Variants in SPRY3 observed in about 807,000 individuals in gnomAD.
The protein encoded by SPRY3 is protein sprouty homolog 3.
SPRY3 carries 15 observed loss-of-function variants against 20.2 expected under a neutral mutation model. The observed-to-expected ratio is 0.74, with a 90% CI of 0.50 to 1.14. SPRY3 has a LOEUF of 1.14. SPRY3 is among the 50% of genes most tolerant of loss of function. SPRY3 has a pLI of 0.00. For missense variants in SPRY3, 364 were observed against 363.9 expected (o/e 1.00, Z 0.00); for synonymous variants, 143 against 136.5 (o/e 1.05, Z -0.33).
intron 2 of SPRY3, among the ~76,000 whole-genome samples, chrX:155,758,204 G>A (rs1487021733): frequency 1.3e-5 from 2 of 151,982 alleles, no homozygotes; most frequent in African/African-American, 4.8e-5. Flanking sequence ...ATTCATTTCC[G>A]TATCTCACAT....
intron 2 of SPRY3, among the ~76,000 whole-genome samples, chrX:155,731,552 T>C (rs1172656155): frequency 6.6e-6 from 1 of 152,078 alleles, no homozygotes; most frequent in Non-Finnish European, 1.5e-5. Context: ...ACTATGAAAC[T>C]ACTACAAGAA....
intron 2 of SPRY3, among the ~76,000 whole-genome samples, chrX:155,734,308 T>C (rs2091153828): frequency 6.6e-6 from 1 of 152,024 alleles, no homozygotes; most frequent in Admixed American, 6.6e-5. Context: ...TTTTAGGGAA[T>C]AGGGAGCCCT....
intron 2 of SPRY3, among the ~76,000 whole-genome samples, chrX:155,728,777 G>A (rs1454444648): frequency 8.0e-4 from 122 of 152,092 alleles, no homozygotes; most frequent in Admixed American, 7.5e-3. Flanking sequence ...CAGGTGAGGC[G>A]ACACCCTGCC....
At chrX:155,718,569 C>T (rs1370279596) in intron 2 of SPRY3, among the ~76,000 whole-genome samples, 9 of 151,908 alleles carry the variant, frequency 5.9e-5, no homozygotes, top group Non-Finnish European at 1.5e-5. Flanking sequence ...GGTGTTTGAA[C>T]AATTAACCGG....
chrX:155,782,257 G>A (rs950571894), exon 2 of SPRY3: 2 of 166,894 alleles, frequency 1.2e-5, no homozygotes, highest in African/African-American at 4.8e-5. Flanking sequence ...ATTATTTGAG[G>A]ATCTAGTACT....
At chrX:155,765,884 G>A (rs1035589649) in intron 2 of SPRY3, among the ~76,000 whole-genome samples, 4 of 152,210 alleles carry the variant, frequency 2.6e-5, no homozygotes, top group South Asian at 2.1e-4. Context: ...ATATGCCAGA[G>A]AGGTTAATTG....
At chrX:155,658,635 A>G (rs2067999321) in intron 2 of SPRY3, among the ~76,000 whole-genome samples, 1 of 111,660 alleles carries the variant, frequency 9.0e-6, no homozygotes, top group African/African-American at 3.3e-5. Flanking sequence ...GTAAACAGAG[A>G]TAATTTGACT....
intron 2 of SPRY3, among the ~76,000 whole-genome samples, chrX:155,704,832 C>A (rs2090938581): frequency 6.6e-6 from 1 of 151,372 alleles, no homozygotes; most frequent in Admixed American, 6.6e-5. Flanking sequence ...TGTCATAAGC[C>A]ATACAAGTCA....
At chrX:155,680,168 G>GTA (rs1249938442) in intron 2 of SPRY3, among the ~76,000 whole-genome samples, 1 of 104,751 alleles carries the variant, frequency 9.5e-6, no homozygotes, top group African/African-American at 3.5e-5. Flanking sequence ...GTGTGTGTGT[G>GTA]TGTGTGTGTG....
chrX:155,676,425 T>C (rs1474385813), intron 2 of SPRY3, among the ~76,000 whole-genome samples: 1 of 111,271 alleles, frequency 9.0e-6, no homozygotes, highest in Non-Finnish European at 1.9e-5. Context: ...TAATCTCACT[T>C]CCCTCCCTGT....
chrX:155,738,808 C>T (rs1366579596), intron 2 of SPRY3, among the ~76,000 whole-genome samples: 1 of 152,216 alleles, frequency 6.6e-6, no homozygotes, highest in Non-Finnish European at 1.5e-5. Flanking sequence ...TGATCAGGCA[C>T]ACACAGAGAC....
chrX:155,623,386 A>G (rs1317076262), intron 1 of SPRY3, among the ~76,000 whole-genome samples: 1 of 112,054 alleles, frequency 8.9e-6, no homozygotes, highest in Non-Finnish European at 1.9e-5. Flanking sequence ...AAAATAAGCC[A>G]TATCATATTG....
At chrX:155,692,859 A>G (rs1490032921) in intron 2 of SPRY3, among the ~76,000 whole-genome samples, 2 of 111,691 alleles carry the variant, frequency 1.8e-5, no homozygotes, top group Non-Finnish European at 3.8e-5. Flanking sequence ...TAATGACTTA[A>G]TGATATGTAC....
chrX:155,773,331 T>C (rs1296760981), intron 3 of SPRY3, among the ~76,000 whole-genome samples: 5 of 146,104 alleles, frequency 3.4e-5, no homozygotes, highest in Non-Finnish European at 6.0e-5. Flanking sequence ...TATATATATA[T>C]ATATATATAT....
chrX:155,647,450 C>G (rs919129472), intron 1 of SPRY3, among the ~76,000 whole-genome samples: 1 of 110,465 alleles, frequency 9.1e-6, no homozygotes, highest in African/African-American at 3.3e-5. Context: ...AATGCTATCC[C>G]TCCCCTTGCC....
intron 2 of SPRY3, among the ~76,000 whole-genome samples, chrX:155,752,969 A>G (rs1248878800): frequency 6.6e-6 from 1 of 151,932 alleles, no homozygotes; most frequent in Non-Finnish European, 1.5e-5. Context: ...AAAGTCTGAA[A>G]ACAATCTAAA....
chrX:155,660,871 A>G (rs1204356870), intron 2 of SPRY3, among the ~76,000 whole-genome samples: 1 of 109,244 alleles, frequency 9.2e-6, no homozygotes, highest in Non-Finnish European at 1.9e-5. Flanking sequence ...TCCTGTTTGC[A>G]TGGAGTATCT....
intron 2 of SPRY3, among the ~76,000 whole-genome samples, chrX:155,767,104 C>A (rs1013774083): frequency 6.6e-6 from 1 of 152,026 alleles, no homozygotes; most frequent in Non-Finnish European, 1.5e-5. Context: ...TCAGTCATTA[C>A]CCAGGGACCG....
At chrX:155,683,204 T>G (rs1002438667) in intron 2 of SPRY3, among the ~76,000 whole-genome samples, 19 of 112,540 alleles carry the variant, frequency 1.7e-4, no homozygotes, top group African/African-American at 5.2e-4. Flanking sequence ...TTGAAAGGAT[T>G]GACTCCAATT....
Sources: allele counts gnomAD v4.1 joint callset (sites outside exome capture counted in the v4.1 genomes callset), GRCh38; gene constraint gnomAD v4.1.1; transcripts MANE v1.5; gene names NCBI Gene and HGNC (gene_info 2026-07-23, HGNC 2026-07-21).